Variants in FGF13 observed in about 807,000 individuals in gnomAD.
FGF13 encodes fibroblast growth factor homologous factor 2.
In FGF13, 2 loss-of-function variants were observed where a neutral mutation model predicts 19.5. The observed-to-expected ratio is 0.10, with a 90% confidence interval of 0.04 to 0.32. The LOEUF is 0.32. Among genes scored for constraint, FGF13 ranks in the 10% least tolerant of loss-of-function variants. The pLI is 1.00. For missense variants in FGF13, 113 were observed against 192.7 expected (o/e 0.59, Z 2.45); for synonymous variants, 72 against 76.9 (o/e 0.94, Z 0.33).
At chrX:138,810,366 G>C (rs768586100) in intron 3 of FGF13, among the ~76,000 whole-genome samples, 1 of 111,485 alleles carries the variant, frequency 9.0e-6, no homozygotes. Flanking sequence ...TTTAATAAAT[G>C]GTGCTGGGAA....
At chrX:139,189,065 C>A (rs760004256) in intron 1 of FGF13, among the ~76,000 whole-genome samples, 2 of 102,696 alleles carry the variant, frequency 1.9e-5, no homozygotes, top group East Asian at 3.1e-4. Context: ...TTCATTGTTT[C>A]CACACACACA....
At chrX:139,003,590 G>A (rs1377283172) in intron 1 of FGF13, among the ~76,000 whole-genome samples, 1 of 97,752 alleles carries the variant, frequency 1.0e-5, no homozygotes, top group East Asian at 3.3e-4. Flanking sequence ...TAGATAAAAA[G>A]GTTCTCCAAG....
intron 3 of FGF13, among the ~76,000 whole-genome samples, chrX:138,656,758 C>T (rs2089441769): frequency 8.9e-6 from 1 of 111,963 alleles, no homozygotes; most frequent in Admixed American, 9.5e-5. Context: ...GGCACAACCT[C>T]CTTTTCAATC....
chrX:138,821,667 T>C (rs921667125), intron 3 of FGF13, among the ~76,000 whole-genome samples: 9 of 111,903 alleles, frequency 8.0e-5, no homozygotes, highest in Non-Finnish European at 1.7e-4. Flanking sequence ...ACCAGTTTCT[T>C]TTTAGTTTTT....
intron 1 of FGF13, among the ~76,000 whole-genome samples, chrX:138,959,578 T>C (rs1221058061): frequency 9.0e-6 from 1 of 111,215 alleles, no homozygotes; most frequent in Non-Finnish European, 1.9e-5. Context: ...GATATTCTTG[T>C]TAATCTTCTG....
At chrX:138,831,844 T>TGTG (rs2091076477) in intron 3 of FGF13, among the ~76,000 whole-genome samples, 2 of 111,396 alleles carry the variant, frequency 1.8e-5, no homozygotes, top group South Asian at 7.7e-4. Context: ...CTCCACCTTC[T>TGTG]GAAATGCGCC....
In FGF13 at chrX:138,625,516, A is replaced by ATATATAC. The variant is rs1556025217; in HGVS notation, c.*7333_*7334insGTATATA. On this transcript the variant is annotated 3_prime_UTR_variant, in exon 5 of 5. Coordinates refer to ENST00000315930, the MANE Select transcript of FGF13 (RefSeq NM_004114.5). ...ATATATACATATATATATATAATAT[A>ATATATAC]ATATATATATATATCTTAGCCATAT... The ATATATAC allele has an allele frequency of 8.3e-5, 7 of 84,633 alleles. No individual in the cohort carries two copies. The highest frequency in any genetic ancestry group is 3.9e-4 in the African/African-American group (7 of 17,916). 7.0% of individuals were successfully genotyped at this position (84,633 alleles called of 1,213,427 possible).
intron 1 of FGF13, among the ~76,000 whole-genome samples, chrX:139,064,285 T>C (rs555570320): frequency 0.019 from 730 of 37,603 alleles, 53 homozygotes; most frequent in African/African-American, 0.06. Context: ...TTTTTTCTTT[T>C]TTTTTTTTTT....
At chrX:139,195,170 C>G (rs899508538) in intron 1 of FGF13, among the ~76,000 whole-genome samples, 18 of 195 alleles carry the variant, frequency 0.092, no homozygotes, top group Admixed American at 0.3. Context: ...GACCTTTCAG[C>G]GCGATCGTCG....
intron 3 of FGF13, among the ~76,000 whole-genome samples, chrX:138,666,901 GAACA>G (rs2124162678): frequency 9.2e-6 from 1 of 108,784 alleles, no homozygotes; most frequent in African/African-American, 3.3e-5. Flanking sequence ...AATAAACAGA[GAACA>G]AACTAAATAG....
chrX:139,011,360 AC>A (rs1363527051), intron 1 of FGF13, among the ~76,000 whole-genome samples: 1 of 21,200 alleles, frequency 4.7e-5, no homozygotes, highest in African/African-American at 1.3e-4. Flanking sequence ...AAACAAACAA[AC>A]AAAAAAAAAA....
chrX:138,696,327 T>C (rs1397571337), intron 3 of FGF13, among the ~76,000 whole-genome samples: 3 of 112,166 alleles, frequency 2.7e-5, no homozygotes, highest in African/African-American at 9.7e-5. Context: ...TGCCTGAGAC[T>C]GGGGAACGGG....
intron 3 of FGF13, among the ~76,000 whole-genome samples, chrX:138,770,187 C>T (rs897077945): frequency 2.0e-4 from 22 of 111,568 alleles, no homozygotes; most frequent in Admixed American, 1.7e-3. Flanking sequence ...TGAGTACTTA[C>T]TATTAGCTAG....
intron 1 of FGF13, among the ~76,000 whole-genome samples, chrX:138,922,058 G>C: frequency 9.3e-6 from 1 of 107,959 alleles, no homozygotes; most frequent in East Asian, 2.9e-4. Flanking sequence ...TGTAGCTTAA[G>C]GTGTCAATAG....
chrX:138,817,853 G>C (rs1008340514), intron 3 of FGF13, among the ~76,000 whole-genome samples: 18 of 112,062 alleles, frequency 1.6e-4, no homozygotes, highest in African/African-American at 4.9e-4. Flanking sequence ...AAATACTTTG[G>C]GTTTTGTGGG....
chrX:138,806,006 T>C (rs1051398182), intron 3 of FGF13, among the ~76,000 whole-genome samples: 4 of 111,619 alleles, frequency 3.6e-5, no homozygotes, highest in African/African-American at 1.3e-4. Context: ...TGACTCAGTA[T>C]GGGTGTTTAA....
At chrX:139,030,677 C>T (rs1456971905) in intron 1 of FGF13, among the ~76,000 whole-genome samples, 1 of 111,596 alleles carries the variant, frequency 9.0e-6, no homozygotes, top group Non-Finnish European at 1.9e-5. Context: ...GGTCAGACAT[C>T]TCTCTCCCTC....
At position 138,756,999 on chromosome X, in the gene FGF13, T is replaced by C. The variant is rs184267381; in HGVS notation, c.218-48071A>G. Among the ~76,000 whole-genome samples, 319 of 111,655 alleles carry C rather than the reference T, an allele frequency of 2.9e-3. 1 individual carries two copies. Among genetic ancestry groups the C allele is most frequent in the African/African-American group, 9.9e-3 (305 of 30,714 alleles). ...TGCAGTAAGGCTTCTTTTCCTGAAG[T>C]GTAATGGTGCATAGTGACAAGGGAC... On this transcript the variant is annotated intron_variant, in intron 3 of 6. Coordinates refer to the FGF13 transcript ENST00000436198.
intron 1 of FGF13, among the ~76,000 whole-genome samples, chrX:139,064,271 CTTTTTTTTTCTTTTTTTTTTTT>C (rs1453346904): frequency 3.1e-5 from 1 of 32,093 alleles, no homozygotes; most frequent in Non-Finnish European, 5.8e-5. Context: ...GAGCAGAGTT[CTTTTTTTTTCTTTTTTTTTTTT>C]TTTTTTTTTT....
Sources: gnomAD v4.1 joint callset for allele counts (sites outside exome capture counted in the v4.1 genomes callset) on GRCh38, gnomAD v4.1.1 for gene constraint, MANE v1.5 for transcripts, NCBI Gene and HGNC (gene_info 2026-07-23, HGNC 2026-07-21) for gene names.